Variants in LAMC1 observed in about 807,000 individuals in gnomAD.
The protein encoded by LAMC1 is laminin subunit gamma 1, also known as laminin subunit gamma-1.
In LAMC1, 38 loss-of-function variants were observed where a neutral mutation model predicts 173.6. That is an observed-to-expected ratio of 0.22 (90% CI 0.17 to 0.29). LAMC1 has a LOEUF of 0.29. Ranked by LOEUF, LAMC1 falls within the 10% of genes least tolerant of loss-of-function variation. The probability of loss-of-function intolerance (pLI) is 1.00; values close to 1 mark genes in which losing one functional copy is unlikely to be tolerated. For synonymous variants in LAMC1, 746 were observed against 749.1 expected (o/e 1.00, Z 0.07); for missense variants, 1,824 against 2,051.8 (o/e 0.89, Z 2.14).
intron 20 of LAMC1, 58 bp downstream of exon 20, chr1:183,131,436 T>TGTGTGTGTGA (rs1656786977): frequency 3.1e-6 from 3 of 969,364 alleles, no homozygotes; most frequent in East Asian, 4.8e-5. Flanking sequence ...GGGGTGTGTG[T>TGTGTGTGTGA]GTGTGTGTGT....
intron 24 of LAMC1, among the ~76,000 whole-genome samples, chr1:183,135,428 T>G (rs1656910479): frequency 6.6e-6 from 1 of 152,206 alleles, no homozygotes. Context: ...AGATTATCTT[T>G]CATTTTCTCT....
At chr1:183,048,435 T>C (rs946419768) in intron 1 of LAMC1, among the ~76,000 whole-genome samples, 40 of 152,214 alleles carry the variant, frequency 2.6e-4, no homozygotes, top group Non-Finnish European at 5.9e-5. Context: ...CACCTATAGC[T>C]CTATCCTTTC....
At chr1:183,041,662 A>G (rs1654136222) in intron 1 of LAMC1, among the ~76,000 whole-genome samples, 1 of 152,232 alleles carries the variant, frequency 6.6e-6, no homozygotes, top group Admixed American at 6.5e-5. Flanking sequence ...CACAAAAGGT[A>G]CTGCATAGTA....
chr1:183,041,600 T>C (rs922683829), intron 1 of LAMC1, among the ~76,000 whole-genome samples: 5 of 152,218 alleles, frequency 3.3e-5, no homozygotes, highest in African/African-American at 4.8e-5. Context: ...ACAAGACGAA[T>C]CCATAGATTT....
At position 183,116,588 on chromosome 1, in the gene LAMC1, G is replaced by A; in HGVS notation, c.1340G>A (p.Cys447Tyr). ...TTTTCATTGAATAGGCCATGCTCTT[G>A]TGATCCCTCTGGCAGCATAGATGAA... is the stretch of plus-strand genomic sequence containing the variant. The part of the protein sequence containing the change: ...LTEAGCRPCS[C>Y]DPSGSIDECN... Residue 447 changes from cysteine to tyrosine, a missense_variant, in exon 7 of 28, where the codon TGT (cysteine) becomes TAT (tyrosine). Transcript: ENST00000258341. The A allele has an allele frequency of 1.2e-6, 2 of 1,607,908 alleles. No individual in the cohort carries two copies. The highest frequency in any genetic ancestry group is 8.5e-7 in the Non-Finnish European group (1 of 1,175,030).
At chr1:183,139,461 T>C (rs150903747) in intron 26 of LAMC1, among the ~76,000 whole-genome samples, 1 of 152,350 alleles carries the variant, frequency 6.6e-6, no homozygotes, top group African/African-American at 2.4e-5. Flanking sequence ...GGGTCCTTTC[T>C]CCCTCCTTTT....
chr1:183,133,392 T>A lies in LAMC1; in HGVS notation c.3705-14T>A. ...AGCTAAGATTGTCATTAAACCACAT[T>A]ATTTGTGTCTTAGGTATGAACAAGC... On this transcript the variant is annotated splice_polypyrimidine_tract_variant and intron_variant, in intron 21 of 27. Transcript: ENST00000258341. The A allele has an allele frequency of 6.2e-7, 1 of 1,606,002 alleles. No individual in the cohort carries two copies. The highest frequency in any genetic ancestry group is 8.5e-7 in the Non-Finnish European group (1 of 1,174,126).
chr1:183,108,230 A>T, intron 2 of LAMC1, 46 bp from the exon 3 acceptor site: 2 of 1,560,420 alleles, frequency 1.3e-6, no homozygotes, highest in Non-Finnish European at 1.8e-6. Context: ...TATCATTTTC[A>T]GTCCCTCCAC....
At chr1:183,040,564 A>G (rs928575459) in intron 1 of LAMC1, among the ~76,000 whole-genome samples, 20 of 152,170 alleles carry the variant, frequency 1.3e-4, no homozygotes, top group African/African-American at 4.8e-4. Flanking sequence ...TGGAGGGAAA[A>G]AAAAGGATAT....
chr1:183,114,826 T>C (rs1656274638), intron 5 of LAMC1, 107 bp downstream of exon 5: 2 of 1,030,470 alleles, frequency 1.9e-6, no homozygotes, highest in Non-Finnish European at 2.8e-6. Context: ...TGGAGATGTA[T>C]ACATTATTGT....
chr1:183,132,598 C>G (rs1188205630), intron 21 of LAMC1, 61 bp downstream of exon 21: 1 of 1,332,472 alleles, frequency 7.5e-7, no homozygotes, highest in African/African-American at 1.5e-5. Context: ...AACACTAGTT[C>G]AATGAAAAAT....
At position 183,027,147 on chromosome 1, in the gene LAMC1, GAAAA is replaced by G. The variant is rs549373381; in HGVS notation, c.418+3014_418+3017del. Among the ~76,000 whole-genome samples, 79 of 152,280 alleles carry G rather than the reference GAAAA, an allele frequency of 5.2e-4. 1 individual carries two copies. The highest frequency in any genetic ancestry group is 1.8e-3 in the African/African-American group (73 of 41,560). On this transcript the variant is annotated intron_variant, in intron 1 of 27. Transcript: ENST00000258341. ...AGCCAGGAAAATCAGTGTTGATTCT[GAAAA>G]CAGCGCTCTCTTAAGCACCATACAC...
chr1:183,076,436 G>A (rs1655121222), intron 1 of LAMC1, among the ~76,000 whole-genome samples: 1 of 152,150 alleles, frequency 6.6e-6, no homozygotes, highest in Non-Finnish European at 1.5e-5. Context: ...AGAAACTTGA[G>A]GGAAAGCACC....
chr1:183,044,162 G>T (rs1654207264), intron 1 of LAMC1, among the ~76,000 whole-genome samples: 1 of 152,026 alleles, frequency 6.6e-6, no homozygotes, highest in Non-Finnish European at 1.5e-5. Context: ...CAGTCTCCTT[G>T]AATTGACATC....
At chr1:183,114,088 GAC>G (rs916456636) in intron 4 of LAMC1, among the ~76,000 whole-genome samples, 25 of 152,086 alleles carry the variant, frequency 1.6e-4, no homozygotes, top group Admixed American at 3.9e-4. Context: ...TTGTTTTTGA[GAC>G]AGAGTTTTAG....
At chr1:183,114,784 C>T in intron 5 of LAMC1, 65 bp downstream of exon 5, 1 of 1,506,508 alleles carries the variant, frequency 6.6e-7, no homozygotes, top group Non-Finnish European at 9.1e-7. Flanking sequence ...GAAAGGAAAG[C>T]TTTGTTTCCA....
At chr1:183,130,189 G>T (rs1035548248) in intron 18 of LAMC1, among the ~76,000 whole-genome samples, 155 bp from the exon 19 acceptor site, 1 of 152,204 alleles carries the variant, frequency 6.6e-6, no homozygotes, top group Non-Finnish European at 1.5e-5. Flanking sequence ...ACTGGGTGTG[G>T]TAAAGGCTGT....
At chr1:183,074,758 T>C (rs1655086452) in intron 1 of LAMC1, among the ~76,000 whole-genome samples, 1 of 152,210 alleles carries the variant, frequency 6.6e-6, no homozygotes, top group African/African-American at 2.4e-5. Flanking sequence ...TCCCCAATCT[T>C]ACTGTGAATT....
At position 183,095,501 on chromosome 1, in the gene LAMC1, C is replaced by T. The variant is rs551492280; in HGVS notation, c.419-7827C>T. The stretch of plus-strand genomic sequence containing the variant: ...ATTTCTGAAATATGGGCTTATGTAG[C>T]TTATATTTAATTGCCTTTTTATTTC... On this transcript the variant is annotated intron_variant, in intron 1 of 27. Coordinates refer to ENST00000258341, the MANE Select transcript of LAMC1 (RefSeq NM_002293.4). 5.5e-4 allele frequency among the ~76,000 whole-genome samples: 83 copies of T among 152,250 alleles called. 2 individuals carry two copies. In the South Asian group the frequency reaches 0.017, roughly 30 times the overall value.
Sources: allele counts gnomAD v4.1 joint callset (sites outside exome capture counted in the v4.1 genomes callset), GRCh38; gene constraint gnomAD v4.1.1; transcripts MANE v1.5; gene names NCBI Gene and HGNC (gene_info 2026-07-23, HGNC 2026-07-21).